The following FUT8 variants were observed in gnomAD, a reference collection of about 807,000 sequenced individuals.
The protein encoded by FUT8 is fucosyltransferase 8, also known as alpha-(1,6)-fucosyltransferase.
FUT8 carries 29 observed loss-of-function variants against 71.3 expected under a neutral mutation model. The observed-to-expected ratio is 0.41, with a 90% confidence interval of 0.30 to 0.55. The LOEUF is 0.55. Ranked by LOEUF, FUT8 falls within the 20% of genes least tolerant of loss-of-function variation. The pLI is 0.34. For missense variants in FUT8, 544 were observed against 702.1 expected, an observed-to-expected ratio of 0.77 and a Z score of 2.55; for synonymous variants, 254 against 239.3, an observed-to-expected ratio of 1.06 and a Z score of -0.57.
intron 3 of FUT8, among the ~76,000 whole-genome samples, chr14:65,573,913 G>A (rs1374198684): frequency 6.6e-6 from 1 of 152,116 alleles, no homozygotes; most frequent in Non-Finnish European, 1.5e-5. Context: ...ACCTAGTGCT[G>A]TAAAACAACA....
chr14:65,590,227 T>C (rs932836872), intron 3 of FUT8, among the ~76,000 whole-genome samples: 2 of 152,076 alleles, frequency 1.3e-5, no homozygotes, highest in Admixed American at 1.3e-4. Context: ...TGGCAGAAAA[T>C]TGAGTATTTT....
At chr14:65,722,445 C>T (rs1895466555) in intron 8 of FUT8, among the ~76,000 whole-genome samples, 1 of 152,178 alleles carries the variant, frequency 6.6e-6, no homozygotes, top group South Asian at 2.1e-4. Flanking sequence ...GCATGTATCA[C>T]CATGTCCAGC....
At position 65,724,252 on chromosome 14, in the gene FUT8, A is replaced by G; in HGVS notation, c.1188A>G (p.Arg396=). 1 of 1,613,414 alleles carries G rather than the reference A, an allele frequency of 6.2e-7. No homozygotes were observed. Among genetic ancestry groups the G allele is most frequent in the Non-Finnish European group, 8.5e-7 (1 of 1,179,720 alleles). The change falls in exon 9 of 11, where the codon AGA becomes AGG. Residue 396 remains arginine (R), a synonymous_variant. Transcript: ENST00000673929. The stretch of plus-strand genomic sequence containing the variant: ...AACATTTTCAGCTTCTTGCACGCAG[A>G]ATGCAAGTGGACAAAAAAAGAGTGT... The part of the protein sequence containing the change: ...VEEHFQLLAR[R]MQVDKKRVYL...
the FUT8 span, among the ~76,000 whole-genome samples, chr14:65,403,577 T>A: frequency 6.6e-6 from 1 of 152,208 alleles, no homozygotes; most frequent in Non-Finnish European, 1.5e-5. Context: ...TTTTGTCAGT[T>A]TGGTTAGAGT....
intron 9 of FUT8, among the ~76,000 whole-genome samples, chr14:65,725,214 CAGTAACAATTA>C (rs1895618630): frequency 6.6e-6 from 1 of 152,122 alleles, no homozygotes; most frequent in Non-Finnish European, 1.5e-5. Flanking sequence ...GTGTATGGAA[CAGTAACAATTA>C]TTTTTTGAGC....
chr14:65,631,089 C>T (rs1386739759), intron 6 of FUT8, among the ~76,000 whole-genome samples: 1 of 152,194 alleles, frequency 6.6e-6, no homozygotes. Context: ...CCCACATGGC[C>T]ATTCATCAGA....
chr14:65,500,469 G>A (rs2066629224), intron 2 of FUT8, among the ~76,000 whole-genome samples: 1 of 152,160 alleles, frequency 6.6e-6, no homozygotes, highest in Non-Finnish European at 1.5e-5. Flanking sequence ...AAGCTAAGAA[G>A]CTACATTTTA....
intron 5 of FUT8, among the ~76,000 whole-genome samples, chr14:65,626,997 C>T (rs940973125): frequency 6.6e-6 from 1 of 152,192 alleles, no homozygotes; most frequent in East Asian, 1.9e-4. Context: ...AAATTATCAC[C>T]GTTATCTCAT....
At chr14:65,691,654 G>T (rs1367551544) in intron 7 of FUT8, among the ~76,000 whole-genome samples, 1 of 151,802 alleles carries the variant, frequency 6.6e-6, no homozygotes, top group East Asian at 1.9e-4. Context: ...CGCAGAGGGG[G>T]ATTTGGCAGG....
intron 10 of FUT8, among the ~76,000 whole-genome samples, chr14:65,736,358 T>A (rs1165568043): frequency 6.6e-6 from 1 of 151,518 alleles, no homozygotes; most frequent in East Asian, 1.9e-4. Context: ...ATGGCTTCAT[T>A]TCAGACTGTA....
intron 3 of FUT8, among the ~76,000 whole-genome samples, chr14:65,577,628 A>G (rs1020587174): frequency 6.6e-6 from 1 of 152,146 alleles, no homozygotes; most frequent in Non-Finnish European, 1.5e-5. Flanking sequence ...CATTTTTTCT[A>G]ATGTAAAATA....
At chr14:65,373,502 C>T in the FUT8 span, among the ~76,000 whole-genome samples, 544 of 152,004 alleles carry the variant, frequency 3.6e-3, 4 homozygotes, top group African/African-American at 0.01. Flanking sequence ...TCCAGGGGAA[C>T]GGCAGGGCTA....
At chr14:65,629,636 A>G in intron 6 of FUT8, 30 bp downstream of exon 6, 6 of 1,443,322 alleles carry the variant, frequency 4.2e-6, no homozygotes, top group Non-Finnish European at 5.9e-6. Context: ...AATAAATTTG[A>G]GTGAAAAAAA....
chr14:65,741,584 A>C (rs542972434), intron 10 of FUT8, among the ~76,000 whole-genome samples: 5 of 152,140 alleles, frequency 3.3e-5, no homozygotes, highest in Admixed American at 3.3e-4. Flanking sequence ...AAAAGAAAAC[A>C]GTTCTGACAC....
At chr14:65,388,908 A>T in the FUT8 span, among the ~76,000 whole-genome samples, 1 of 152,124 alleles carries the variant, frequency 6.6e-6, no homozygotes, top group Admixed American at 6.5e-5. Context: ...AAATTGTGAA[A>T]TTTTTTAAAA....
At chr14:65,415,853 T>C (rs1489703644) in intron 1 of FUT8, among the ~76,000 whole-genome samples, 1 of 152,182 alleles carries the variant, frequency 6.6e-6, no homozygotes, top group Non-Finnish European at 1.5e-5. Context: ...AGCAGTTGTT[T>C]TGTGGCCTGT....
the FUT8 span, among the ~76,000 whole-genome samples, chr14:65,391,067 T>TACC: frequency 2.0e-5 from 3 of 152,134 alleles, no homozygotes; most frequent in African/African-American, 7.2e-5. Context: ...ATGCTAGTGA[T>TACC]ACCTACTGAT....
At chr14:65,626,400 T>G (rs554065409) in intron 5 of FUT8, among the ~76,000 whole-genome samples, 11 of 152,312 alleles carry the variant, frequency 7.2e-5, no homozygotes, top group Admixed American at 7.2e-4. Flanking sequence ...CTCCCAAAGC[T>G]CTCTCCTCTG....
intron 7 of FUT8, among the ~76,000 whole-genome samples, chr14:65,683,737 C>T (rs1266914434): frequency 6.6e-6 from 1 of 151,918 alleles, no homozygotes; most frequent in Non-Finnish European, 1.5e-5. Context: ...AAAATAAAAG[C>T]AGAGGAGGCA....
Sources: allele counts gnomAD v4.1 joint callset (sites outside exome capture counted in the v4.1 genomes callset), GRCh38; gene constraint gnomAD v4.1.1; transcripts MANE v1.5; gene names NCBI Gene and HGNC (gene_info 2026-07-23, HGNC 2026-07-21).